The following SOD1 variants were observed in gnomAD, a reference collection of about 807,000 sequenced individuals.
SOD1 encodes superoxide dismutase [Cu-Zn].
A neutral mutation model predicts 15.9 loss-of-function variants in SOD1; 8 were observed. The ratio of observed to expected loss-of-function variants is 0.50; its 90% CI spans 0.30 to 0.91. The LOEUF is 0.91. Ranked by LOEUF, SOD1 falls within the 40% of genes least tolerant of loss-of-function variation. SOD1 has a pLI of 0.07. For missense variants in SOD1, 137 were observed against 194.5 expected (o/e 0.70, Z 1.76); for synonymous variants, 86 against 71.2 (o/e 1.21, Z -1.04).
rs553743756 is a variant in SOD1, at chr21:31,668,639, A to C, written c.*61A>C. On this transcript the variant is annotated 3_prime_UTR_variant, in exon 5 of 5. Transcript: ENST00000270142. ...CATCTGTTATCCTGCTAGCTGTAGAAATGTATCCTGATAAACATTAAACAC... is the reference window on the plus strand; with the variant it reads ...CATCTGTTATCCTGCTAGCTGTAGACATGTATCCTGATAAACATTAAACAC... The C allele has an allele frequency of 1.7e-6, 2 of 1,205,246 alleles. No homozygotes were observed. The highest frequency in any genetic ancestry group is 3.0e-5 in the African/African-American group (2 of 66,954). 74.7% of individuals were successfully genotyped at this position (1,205,246 alleles called of 1,614,324 possible). A position where few individuals can be genotyped will look rare whatever the true frequency, so the allele number is the denominator to read the frequency against.
intron 2 of SOD1, among the ~76,000 whole-genome samples, chr21:31,664,776 G>A (rs186448511): frequency 4.6e-5 from 7 of 152,044 alleles, no homozygotes; most frequent in Admixed American, 3.3e-4. Context: ...CCGCCACCCC[G>A]CCTGGCTAAT....
In SOD1 at chr21:31,668,821, C is replaced by A; in HGVS notation, c.*243C>A. 5 of 484,806 alleles carry A rather than the reference C, an allele frequency of 1.0e-5. No homozygotes were observed. The South Asian group carries it at 1.1e-4, about 10-fold the overall frequency. 30.0% of individuals were successfully genotyped at this position (484,806 alleles called of 1,614,324 possible). A position where few individuals can be genotyped will look rare whatever the true frequency, so the allele number is the denominator to read the frequency against. ...GACCTGTATTTTGCCAGACTTAAAT[C>A]ACAGATGGGTATTAAACTTGTCAGA... On this transcript the variant is annotated 3_prime_UTR_variant, in exon 5 of 5. Transcript: ENST00000270142.
At chr21:31,668,243 T>C (rs1000108530) in intron 4 of SOD1, among the ~76,000 whole-genome samples, 1 of 152,198 alleles carries the variant, frequency 6.6e-6, no homozygotes, top group Admixed American at 6.5e-5. Context: ...GTATTTCATT[T>C]AGACAGCAAC....
chr21:31,666,461 C>T lies in SOD1; in HGVS notation c.182C>T (p.Ala61Val). The T allele has an allele frequency of 1.2e-6, 2 of 1,611,254 alleles. No homozygotes were observed. Among genetic ancestry groups the T allele is most frequent in the Non-Finnish European group, 1.7e-6 (2 of 1,177,624 alleles). Residue 61 changes from alanine (A) to valine (V), a missense_variant, in exon 3 of 5, where the codon GCA becomes GTA. Transcript: ENST00000270142. ...FGDNTAGCTS[A>V]GPHFNPLSRK... is the part of the protein sequence containing the mutation. ...TTCTTATAAATAGGCTGTACCAGTGCAGGTCCTCACTTTAATCCTCTATCC... is the reference window on the plus strand; with the variant it reads ...TTCTTATAAATAGGCTGTACCAGTGTAGGTCCTCACTTTAATCCTCTATCC...
At chr21:31,659,928 C>T in intron 1 of SOD1, 87 bp downstream of exon 1, 2 of 1,410,170 alleles carry the variant, frequency 1.4e-6, no homozygotes, top group Non-Finnish European at 2.0e-6. Flanking sequence ...GGTCGCCCGC[C>T]AGGCCTCGGG....
chr21:31,662,033 G>T (rs969800539), intron 1 of SOD1, among the ~76,000 whole-genome samples: 2 of 152,184 alleles, frequency 1.3e-5, no homozygotes, highest in African/African-American at 4.8e-5. Flanking sequence ...ATTAGCCCAG[G>T]ACAGTACTGC....
In SOD1 at chr21:31,666,496, G is replaced by A. The variant is rs121912455; in HGVS notation, c.217G>A (p.Gly73Ser). 7 of 1,612,564 alleles carry A rather than the reference G, an allele frequency of 4.3e-6. No homozygotes were observed. The highest frequency in any genetic ancestry group is 5.1e-6 in the Non-Finnish European group (6 of 1,178,818). ...PHFNPLSRKH[G>S]GPKDEERHVG... ...CTTTAATCCTCTATCCAGAAAACAC[G>A]GTGGGCCAAAGGATGAAGAGAGGTA... is the stretch of plus-strand genomic sequence containing the variant. Residue 73 changes from glycine (G) to serine (S), a missense_variant, in exon 3 of 5, where the codon GGT (glycine) becomes AGT (serine). Gly to Ser is a moderately conservative substitution (Grantham distance 56). Coordinates refer to ENST00000270142, the MANE Select transcript of SOD1 (RefSeq NM_000454.5).
intron 1 of SOD1, among the ~76,000 whole-genome samples, chr21:31,662,907 C>T (rs914215417): frequency 6.6e-6 from 1 of 151,730 alleles, no homozygotes; most frequent in South Asian, 2.1e-4. Flanking sequence ...CCCAGCTACT[C>T]AGGAGGCTGA....
In SOD1 at chr21:31,666,753, A is replaced by AT; in HGVS notation, c.239+236dup. 5.3e-6 allele frequency: 3 copies of AT among 561,636 alleles called. 1 individual carries two copies. In the South Asian group the frequency reaches 5.9e-5, roughly 11 times the overall value. 34.8% of individuals were successfully genotyped at this position (561,636 alleles called of 1,614,324 possible). A position where few individuals can be genotyped will look rare whatever the true frequency, so the allele number is the denominator to read the frequency against. On this transcript the variant is annotated intron_variant, in intron 3 of 4. Transcript: ENST00000270142. The stretch of plus-strand genomic sequence containing the variant: ...TTTGGTTTTGTAGCATTTATTGAAT[A>AT]TAGAACTAATACAAGTGCCAAAGGG...
At chr21:31,662,796 C>T (rs746113509) in intron 1 of SOD1, among the ~76,000 whole-genome samples, 1 of 152,160 alleles carries the variant, frequency 6.6e-6, no homozygotes, top group Non-Finnish European at 1.5e-5. Flanking sequence ...GGGTGGATCA[C>T]GAGGTCAGCA....
intron 4 of SOD1, 150 bp downstream of exon 4, chr21:31,667,525 G>A (rs1015405722): frequency 3.3e-5 from 24 of 723,962 alleles, no homozygotes; most frequent in Middle Eastern, 3.5e-4. Context: ...GGACAATTAC[G>A]GTGAAAATGA....
intron 1 of SOD1, among the ~76,000 whole-genome samples, chr21:31,662,741 G>A (rs541409547): frequency 7.2e-5 from 11 of 152,330 alleles, no homozygotes; most frequent in South Asian, 2.1e-4. Flanking sequence ...ATAGCCGGGC[G>A]TGGTGGCTTA....
At position 31,663,898 on chromosome 21, in the gene SOD1, G is replaced by T. The variant is rs776992135; in HGVS notation, c.169+12G>T. ...AGATAATACAGCAGGTGGGTGTTGT[G>T]CTGTGCTGGTGACCCATACTTGTTC... On this transcript the variant is annotated intron_variant, in intron 2 of 4. Coordinates refer to ENST00000270142, the MANE Select transcript of SOD1 (RefSeq NM_000454.5). 2.5e-6 allele frequency: 4 copies of T among 1,598,178 alleles called. No homozygotes were observed. In the East Asian group the frequency reaches 8.9e-5, roughly 36 times the overall value.
chr21:31,668,305 GAGT>G (rs1371932246), intron 4 of SOD1, among the ~76,000 whole-genome samples, 163 bp from the exon 5 acceptor site: 5 of 152,068 alleles, frequency 3.3e-5, no homozygotes, highest in African/African-American at 1.2e-4. Flanking sequence ...AAAAAGCTTT[GAGT>G]AGTAGTTTCT....
At chr21:31,663,761 C>A (rs2049568984) in intron 1 of SOD1, 29 bp from the exon 2 acceptor site, 1 of 1,525,172 alleles carries the variant, frequency 6.6e-7, no homozygotes, top group Non-Finnish European at 9.1e-7. Flanking sequence ...TGTTCAGAAA[C>A]TCTCTCCAAC....
At chr21:31,660,893 A>G (rs1192357017) in intron 1 of SOD1, among the ~76,000 whole-genome samples, 2 of 152,236 alleles carry the variant, frequency 1.3e-5, no homozygotes, top group African/African-American at 4.8e-5. Flanking sequence ...ACATTTTCGT[A>G]AAGTGGCTTT....
Position 31,667,196 on chromosome 21 carries a change from AT to A in SOD1, c.240-61del, listed in dbSNP as rs2049601295. ...ACTCAGTCAAGTTTTAATTTAGCTC[AT>A]GAACTACCTTGATGTTTAGTGGCAT... On this transcript the variant is annotated intron_variant, in intron 3 of 4. Transcript: ENST00000270142. 3.0e-6 allele frequency: 4 copies of A among 1,317,500 alleles called. No homozygotes were observed. In the East Asian group the frequency reaches 9.3e-5, roughly 30 times the overall value. The allele number at this position is 1,317,500 out of a possible 1,614,324, so 81.6% of individuals were successfully genotyped here.
intron 2 of SOD1, 105 bp from the exon 3 acceptor site, chr21:31,666,344 A>G: frequency 1.2e-6 from 1 of 806,304 alleles, no homozygotes; most frequent in Non-Finnish European, 2.1e-6. Context: ...GTCGTGATGC[A>G]GGTCAGCACT....
rs1568810237 is a variant in SOD1 at position 31,666,431 on chromosome 21, T to TC, written c.170-17dup. 2 of 1,589,682 alleles carry TC rather than the reference T, an allele frequency of 1.3e-6. No homozygotes were observed. The highest frequency in any genetic ancestry group is 4.5e-5 in the East Asian group (2 of 44,768). On this transcript the variant is annotated splice_polypyrimidine_tract_variant and intron_variant, in intron 2 of 4. Coordinates refer to ENST00000270142, the MANE Select transcript of SOD1 (RefSeq NM_000454.5). ...TTTAATTCATAATTTAGCTTTTTTT[T>TC]CTTCTTCTTATAAATAGGCTGTACC...
Sources: allele counts gnomAD v4.1 joint callset (sites outside exome capture counted in the v4.1 genomes callset), GRCh38; gene constraint gnomAD v4.1.1; transcripts MANE v1.5; gene names NCBI Gene and HGNC (gene_info 2026-07-23, HGNC 2026-07-21).